Variants in HCN1 observed in about 807,000 individuals in gnomAD.
HCN1 encodes hyperpolarization activated cyclic nucleotide gated potassium channel 1.
A neutral mutation model predicts 78.9 loss-of-function variants in HCN1; 13 were observed. The observed-to-expected ratio is 0.16, with a 90% CI of 0.11 to 0.26. The LOEUF (loss-of-function observed/expected upper bound fraction) is 0.26. Among genes scored for constraint, HCN1 ranks in the 10% least tolerant of loss-of-function variants. HCN1 has a pLI of 1.00. For synonymous variants in HCN1, 552 were observed against 455.5 expected (o/e 1.21, Z -2.70); for missense variants, 810 against 1,154.3 (o/e 0.70, Z 4.32).
intron 1 of HCN1, among the ~76,000 whole-genome samples, chr5:45,678,168 AAAT>A (rs1211939510): frequency 6.6e-6 from 1 of 151,898 alleles, no homozygotes; most frequent in East Asian, 1.9e-4. Context: ...GCTACTTATG[AAAT>A]AATTATTTTG....
chr5:45,672,327 G>A (rs551392519), intron 1 of HCN1, among the ~76,000 whole-genome samples: 1 of 151,580 alleles, frequency 6.6e-6, no homozygotes, highest in East Asian at 1.9e-4. Context: ...TAAAGTTATT[G>A]TTAATAATAA....
intron 1 of HCN1, among the ~76,000 whole-genome samples, chr5:45,667,270 C>T (rs185205925): frequency 1.3e-4 from 20 of 152,082 alleles, no homozygotes; most frequent in African/African-American, 4.1e-4. Context: ...CTCTGGCCTA[C>T]AATCTCTCTC....
intron 2 of HCN1, among the ~76,000 whole-genome samples, chr5:45,609,201 C>T (rs973326238): frequency 6.6e-6 from 1 of 152,012 alleles, no homozygotes; most frequent in Non-Finnish European, 1.5e-5. Flanking sequence ...TATCTTGTAA[C>T]TTGCAATTCT....
chr5:45,359,129 C>T (rs771905905), intron 4 of HCN1, among the ~76,000 whole-genome samples: 1 of 152,014 alleles, frequency 6.6e-6, no homozygotes, highest in Admixed American at 6.6e-5. Flanking sequence ...TTTGTATGCC[C>T]TTTTTTCCTG....
rs1490791993 is a variant in HCN1, at chr5:45,649,741, G to T, written c.426-4133C>A. 2.0e-5 allele frequency among the ~76,000 whole-genome samples: 3 copies of T among 152,072 alleles called. No homozygotes were observed. The East Asian group carries it at 5.8e-4, about 29-fold the overall frequency. ...TCTATATATTTTCTGCTATAAGATA[G>T]ATAGCATCTAAGATAGCAAATGTTA... is the stretch of plus-strand genomic sequence containing the variant. On this transcript the variant is annotated intron_variant, in intron 1 of 7. Transcript: ENST00000303230.
chr5:45,586,980 C>A lies in HCN1; in HGVS notation c.849+58205G>T, dbSNP rs1042639116. 3.9e-5 allele frequency among the ~76,000 whole-genome samples: 6 copies of A among 152,146 alleles called. No individual in the cohort carries two copies. In the East Asian group the frequency reaches 1.2e-3, roughly 29 times the overall value. ...GTTGGCTATAATCATTCCATTATAT[C>A]TTTAAGACTACATAACCAAGTTATT... On this transcript the variant is annotated intron_variant, in intron 2 of 7. Coordinates refer to ENST00000303230, the MANE Select transcript of HCN1 (RefSeq NM_021072.4).
intron 4 of HCN1, among the ~76,000 whole-genome samples, chr5:45,386,386 C>T (rs565354359): frequency 6.6e-6 from 1 of 152,026 alleles, no homozygotes; most frequent in East Asian, 1.9e-4. Context: ...CCTCTGTTGC[C>T]CAGGCTAGTT....
At chr5:45,568,062 C>T (rs567310104) in intron 2 of HCN1, among the ~76,000 whole-genome samples, 4 of 152,184 alleles carry the variant, frequency 2.6e-5, no homozygotes, top group South Asian at 4.1e-4. Context: ...GGTCTTTCCA[C>T]TCTACTCACG....
intron 1 of HCN1, among the ~76,000 whole-genome samples, chr5:45,675,337 C>T (rs79683485): frequency 0.022 from 3,282 of 151,846 alleles, 61 homozygotes; most frequent in Middle Eastern, 0.071. Context: ...CCTTTGTTGG[C>T]TGTTCCTTCC....
chr5:45,298,211 ATTGG>A (rs1226651362), intron 6 of HCN1, among the ~76,000 whole-genome samples: 1 of 152,056 alleles, frequency 6.6e-6, no homozygotes, highest in Non-Finnish European at 1.5e-5. Context: ...TCATGGATTA[ATTGG>A]TTGATGTATA....
intron 2 of HCN1, among the ~76,000 whole-genome samples, chr5:45,583,430 G>T (rs1233596644): frequency 1.3e-5 from 2 of 151,864 alleles, no homozygotes; most frequent in African/African-American, 4.8e-5. Context: ...TTCTTTATTA[G>T]TCTTGCTAGC....
chr5:45,483,958 T>A (rs935750270), intron 2 of HCN1, among the ~76,000 whole-genome samples: 1 of 152,292 alleles, frequency 6.6e-6, no homozygotes, highest in Non-Finnish European at 1.5e-5. Flanking sequence ...AAGTTTTCGA[T>A]TCTGTTCTGT....
chr5:45,390,778 C>T (rs1739536948), intron 4 of HCN1, among the ~76,000 whole-genome samples: 1 of 152,026 alleles, frequency 6.6e-6, no homozygotes, highest in Non-Finnish European at 1.5e-5. Context: ...TCTCAAACTC[C>T]CTCCCTTATA....
intron 3 of HCN1, among the ~76,000 whole-genome samples, chr5:45,401,657 GTT>G (rs77219002): frequency 1.4e-4 from 19 of 136,856 alleles, no homozygotes; most frequent in African/African-American, 4.2e-4. Flanking sequence ...CTAGAGAAAG[GTT>G]TTTTTTTTTT....
At chr5:45,382,661 G>A (rs1747833165) in intron 4 of HCN1, among the ~76,000 whole-genome samples, 1 of 152,046 alleles carries the variant, frequency 6.6e-6, no homozygotes, top group South Asian at 2.1e-4. Context: ...AAATACTTTG[G>A]TGTCTGAAAT....
intron 2 of HCN1, among the ~76,000 whole-genome samples, chr5:45,551,291 A>G (rs1013546261): frequency 6.6e-6 from 1 of 151,940 alleles, no homozygotes; most frequent in African/African-American, 2.4e-5. Flanking sequence ...AGTGAAAAAT[A>G]TATTATGCTC....
intron 5 of HCN1, among the ~76,000 whole-genome samples, chr5:45,348,785 C>G (rs1292777626): frequency 6.6e-6 from 1 of 152,158 alleles, no homozygotes; most frequent in African/African-American, 2.4e-5. Context: ...AAGGCCATTA[C>G]ATAATGGTAA....
intron 2 of HCN1, among the ~76,000 whole-genome samples, chr5:45,557,182 A>G (rs926553020): frequency 6.6e-6 from 1 of 152,032 alleles, no homozygotes; most frequent in African/African-American, 2.4e-5. Context: ...TCACATTTGG[A>G]ATTTGAAAAC....
intron 6 of HCN1, among the ~76,000 whole-genome samples, chr5:45,277,142 G>C (rs1366158651): frequency 6.6e-6 from 1 of 152,068 alleles, no homozygotes; most frequent in African/African-American, 2.4e-5. Context: ...GAATAGAGTG[G>C]AGAGTTCTAG....
Sources: gnomAD v4.1 joint callset for allele counts (sites outside exome capture counted in the v4.1 genomes callset) on GRCh38, gnomAD v4.1.1 for gene constraint, MANE v1.5 for transcripts, NCBI Gene and HGNC (gene_info 2026-07-23, HGNC 2026-07-21) for gene names.